Variants in KCNAB1 observed in about 807,000 individuals in gnomAD.
KCNAB1 encodes the protein potassium voltage-gated channel subfamily A regulatory beta subunit 1.
A neutral mutation model predicts 64.6 loss-of-function variants in KCNAB1; 35 were observed. The ratio of observed to expected loss-of-function variants is 0.54; its 90% confidence interval spans 0.41 to 0.72. The LOEUF (loss-of-function observed/expected upper bound fraction) is 0.72, where lower values mean the gene tolerates loss of function less well. Among genes scored for constraint, KCNAB1 ranks in the 30% least tolerant of loss-of-function variants. The probability of loss-of-function intolerance (pLI) is 0.00; values close to 1 mark genes in which losing one functional copy is unlikely to be tolerated. For missense variants in KCNAB1, 401 were observed against 512.9 expected, an observed-to-expected ratio of 0.78 and a Z score of 2.11; for synonymous variants, 177 against 183.8, an observed-to-expected ratio of 0.96 and a Z score of 0.30.
At chr3:156,140,085 T>G (rs1348242733) in intron 1 of KCNAB1, among the ~76,000 whole-genome samples, 1 of 152,238 alleles carries the variant, frequency 6.6e-6, no homozygotes, top group Non-Finnish European at 1.5e-5. Flanking sequence ...TGTGCTAAAT[T>G]ATCTTTAAAA....
At chr3:156,462,767 C>T (rs535927423) in intron 5 of KCNAB1, among the ~76,000 whole-genome samples, 4 of 152,178 alleles carry the variant, frequency 2.6e-5, no homozygotes, top group African/African-American at 9.6e-5. Flanking sequence ...TTGGCCTTAA[C>T]CTTTGAATCT....
intron 1 of KCNAB1, among the ~76,000 whole-genome samples, chr3:156,222,871 C>G (rs1234989084): frequency 6.6e-6 from 1 of 152,162 alleles, no homozygotes; most frequent in East Asian, 1.9e-4. Context: ...TTAAAAAAGT[C>G]TTTGAACTGA....
At chr3:156,528,408 T>C (rs990416187) in intron 12 of KCNAB1, among the ~76,000 whole-genome samples, 3 of 152,218 alleles carry the variant, frequency 2.0e-5, no homozygotes, top group African/African-American at 7.2e-5. Flanking sequence ...GTTCCTACTT[T>C]GTGCAAGACA....
chr3:156,140,289 T>C (rs185717799), intron 1 of KCNAB1, among the ~76,000 whole-genome samples: 1 of 152,336 alleles, frequency 6.6e-6, no homozygotes, highest in East Asian at 1.9e-4. Flanking sequence ...AAGATAATGT[T>C]TTCTGACTAA....
intron 8 of KCNAB1, among the ~76,000 whole-genome samples, chr3:156,503,691 A>G (rs1716617389): frequency 6.6e-6 from 1 of 152,200 alleles, no homozygotes; most frequent in Admixed American, 6.5e-5. Flanking sequence ...GGAGGGAAAG[A>G]TCACAGGGGC....
At chr3:156,292,114 T>A in intron 1 of KCNAB1, 1 of 1,613,952 alleles carries the variant, frequency 6.2e-7, no homozygotes, top group Non-Finnish European at 8.5e-7. Context: ...CAAAGCAGAC[T>A]GGCATGAAAT....
At chr3:156,295,065 CAAAA>C (rs1161901303) in intron 1 of KCNAB1, among the ~76,000 whole-genome samples, 1 of 152,064 alleles carries the variant, frequency 6.6e-6, no homozygotes, top group African/African-American at 2.4e-5. Context: ...CCATAAATAA[CAAAA>C]CAAACAAACA....
At chr3:156,351,655 C>T (rs558324855) in intron 1 of KCNAB1, among the ~76,000 whole-genome samples, 1 of 152,376 alleles carries the variant, frequency 6.6e-6, no homozygotes, top group African/African-American at 2.4e-5. Flanking sequence ...GTCGCTAAGT[C>T]TCCTCACTGG....
intron 2 of KCNAB1, among the ~76,000 whole-genome samples, chr3:156,422,225 C>A (rs1367888249): frequency 6.6e-6 from 1 of 152,182 alleles, no homozygotes; most frequent in Admixed American, 6.5e-5. Flanking sequence ...GCAATTCTAA[C>A]AGCATAAAGA....
intron 1 of KCNAB1, chr3:156,143,384 A>C (rs1210858225): frequency 2.5e-6 from 4 of 1,604,996 alleles, no homozygotes; most frequent in Non-Finnish European, 3.4e-6. Flanking sequence ...ATTTCGTTGC[A>C]GGAAACCACC....
intron 1 of KCNAB1, among the ~76,000 whole-genome samples, chr3:156,349,640 C>T (rs766243741): frequency 2.6e-5 from 4 of 152,182 alleles, no homozygotes; most frequent in Non-Finnish European, 5.9e-5. Context: ...CGCCTCACTA[C>T]ACCTTGGCCT....
intron 1 of KCNAB1, among the ~76,000 whole-genome samples, chr3:156,188,316 T>C (rs972213234): frequency 1.3e-5 from 2 of 152,082 alleles, no homozygotes; most frequent in South Asian, 2.1e-4. Context: ...CAGAAATTAA[T>C]TTCTCAGCAT....
At chr3:156,337,539 G>A (rs1242749467) in intron 1 of KCNAB1, among the ~76,000 whole-genome samples, 2 of 152,088 alleles carry the variant, frequency 1.3e-5, no homozygotes, top group African/African-American at 4.8e-5. Flanking sequence ...CTTCTCCACC[G>A]ATGAGTCCCC....
chr3:156,292,079 C>T (rs1356124004), intron 1 of KCNAB1: 2 of 1,614,108 alleles, frequency 1.2e-6, no homozygotes, highest in Non-Finnish European at 1.7e-6. Context: ...GCCTCAGCAT[C>T]ACATTTCTCT....
chr3:156,453,724 C>G (rs1272167948), intron 3 of KCNAB1, among the ~76,000 whole-genome samples: 2 of 152,198 alleles, frequency 1.3e-5, no homozygotes, highest in African/African-American at 4.8e-5. Flanking sequence ...CTGAGTCCCT[C>G]TGATCCTTCC....
intron 1 of KCNAB1, chr3:156,290,907 A>G (rs1315507275): frequency 1.1e-6 from 1 of 937,352 alleles, no homozygotes; most frequent in Non-Finnish European, 1.3e-6. Flanking sequence ...ACTTGCAGAG[A>G]GAAAAGGAAC....
intron 2 of KCNAB1, among the ~76,000 whole-genome samples, chr3:156,445,115 G>A (rs886362392): frequency 7.9e-5 from 12 of 152,184 alleles, no homozygotes; most frequent in Admixed American, 3.9e-4. Context: ...GGCCAACATG[G>A]TGAAACCTTG....
intron 1 of KCNAB1, among the ~76,000 whole-genome samples, chr3:156,216,764 C>A (rs1715347837): frequency 6.6e-6 from 1 of 151,998 alleles, no homozygotes; most frequent in Admixed American, 6.6e-5. Flanking sequence ...TAGTTTTATC[C>A]CTGCTTGACA....
intron 1 of KCNAB1, among the ~76,000 whole-genome samples, chr3:156,144,497 A>T (rs1714925424): frequency 6.6e-6 from 1 of 152,240 alleles, no homozygotes; most frequent in Non-Finnish European, 1.5e-5. Context: ...CTCAATTTAT[A>T]AGGAGGATAG....
Sources: allele counts gnomAD v4.1 joint callset (sites outside exome capture counted in the v4.1 genomes callset), GRCh38; gene constraint gnomAD v4.1.1; transcripts MANE v1.5; gene names NCBI Gene and HGNC (gene_info 2026-07-23, HGNC 2026-07-21).